The following SIPA1L1 variants were observed in gnomAD, a reference collection of about 807,000 sequenced individuals.
SIPA1L1 encodes the protein signal induced proliferation associated 1 like 1, also known as signal-induced proliferation-associated 1-like protein 1.
Under a neutral mutation model 162.7 loss-of-function variants are expected in SIPA1L1, and 26 were observed. The observed-to-expected ratio is 0.16, with a 90% CI of 0.12 to 0.22. The LOEUF is 0.22. SIPA1L1 is among the 10% of genes least tolerant of loss of function. SIPA1L1 has a pLI of 1.00. For missense variants in SIPA1L1, 1,874 were observed against 2,241.0 expected (o/e 0.84, Z 3.31); for synonymous variants, 829 against 837.4 (o/e 0.99, Z 0.17).
At chr14:71,596,080 G>T (rs2035992229) in intron 5 of SIPA1L1, among the ~76,000 whole-genome samples, 1 of 152,168 alleles carries the variant, frequency 6.6e-6, no homozygotes, top group Non-Finnish European at 1.5e-5. Flanking sequence ...GTGGTTAGGG[G>T]CTTGGATGAG....
intron 7 of SIPA1L1, among the ~76,000 whole-genome samples, chr14:71,632,597 C>T (rs932272983): frequency 2.6e-5 from 4 of 152,154 alleles, no homozygotes; most frequent in African/African-American, 9.7e-5. Context: ...CACTGTGTGG[C>T]ATCAGAAGAG....
chr14:71,320,849 C>T (rs1309480312), intron 1 of SIPA1L1, among the ~76,000 whole-genome samples: 2 of 152,166 alleles, frequency 1.3e-5, no homozygotes, highest in Admixed American at 6.5e-5. Flanking sequence ...AGCGGGGGCC[C>T]GGGCGCCTAG....
chr14:71,729,181 G>A (rs755005959), intron 19 of SIPA1L1, among the ~76,000 whole-genome samples: 3 of 152,088 alleles, frequency 2.0e-5, no homozygotes, highest in Admixed American at 6.5e-5. Flanking sequence ...GATTACAGGC[G>A]TGCACCACCA....
chr14:71,525,552 C>T (rs2052778302), intron 3 of SIPA1L1, among the ~76,000 whole-genome samples: 1 of 152,202 alleles, frequency 6.6e-6, no homozygotes, highest in African/African-American at 2.4e-5. Context: ...TCACTAATGA[C>T]ATAAGCCCAT....
chr14:71,439,633 A>G (rs1162235228), intron 2 of SIPA1L1, among the ~76,000 whole-genome samples: 2 of 152,252 alleles, frequency 1.3e-5, no homozygotes, highest in East Asian at 1.9e-4. Context: ...TTAAAGTGTC[A>G]TGGACATTAT....
intron 4 of SIPA1L1, among the ~76,000 whole-genome samples, chr14:71,570,954 C>T (rs1000526914): frequency 6.6e-6 from 1 of 152,098 alleles, no homozygotes; most frequent in African/African-American, 2.4e-5. Context: ...CACCACCACA[C>T]CCAGCCAATT....
In SIPA1L1 at chr14:71,672,616, C is replaced by T. The variant is rs1236706675; in HGVS notation, c.3098C>T (p.Pro1033Leu). 6 of 1,613,032 alleles carry T rather than the reference C, an allele frequency of 3.7e-6. No homozygotes were observed. The highest frequency in any genetic ancestry group is 1.3e-5 in the African/African-American group (1 of 75,004). ...VIIPPHDDCT[P>L]RRSCSETYRM... Reference sequence around the variant, plus strand: ...ATTCCCCCGCATGATGACTGCACCCCGCGGAGGTAGGTCTGAGGAGACAGC... The same window carrying T: ...ATTCCCCCGCATGATGACTGCACCCTGCGGAGGTAGGTCTGAGGAGACAGC... Residue 1033 changes from proline to leucine, a missense_variant, in exon 12 of 24, where the codon CCG (proline) becomes CTG (leucine). By Grantham distance (98) the Pro-to-Leu change is moderately conservative (BLOSUM62 -3). Transcript: ENST00000381232.
intron 5 of SIPA1L1, among the ~76,000 whole-genome samples, chr14:71,605,817 T>G (rs924569037): frequency 6.6e-6 from 1 of 152,176 alleles, no homozygotes; most frequent in African/African-American, 2.4e-5. Context: ...CCAGCACTTG[T>G]GCCAGCAGGT....
chr14:71,376,146 G>A (rs1390283961), intron 2 of SIPA1L1, among the ~76,000 whole-genome samples: 1 of 152,094 alleles, frequency 6.6e-6, no homozygotes, highest in African/African-American at 2.4e-5. Flanking sequence ...GAATTTGCCA[G>A]TGAAATCATA....
intron 2 of SIPA1L1, among the ~76,000 whole-genome samples, chr14:71,444,183 A>T (rs2045154493): frequency 6.6e-6 from 1 of 152,166 alleles, no homozygotes; most frequent in South Asian, 2.1e-4. Context: ...GCATATACCT[A>T]GCAAGTACAT....
At chr14:71,725,568 C>T (rs1015433484) in intron 19 of SIPA1L1, among the ~76,000 whole-genome samples, 1 of 152,116 alleles carries the variant, frequency 6.6e-6, no homozygotes. Flanking sequence ...TTTATGTGAC[C>T]ACATGGAAAG....
At chr14:71,478,602 A>AC (rs2048070012) in intron 2 of SIPA1L1, among the ~76,000 whole-genome samples, 1 of 152,212 alleles carries the variant, frequency 6.6e-6, no homozygotes, top group Non-Finnish European at 1.5e-5. Context: ...CTTTGTTGAA[A>AC]ACACAATCTT....
At chr14:71,714,419 ATTC>A (rs2083107567) in intron 17 of SIPA1L1, among the ~76,000 whole-genome samples, 1 of 152,190 alleles carries the variant, frequency 6.6e-6, no homozygotes, top group Non-Finnish European at 1.5e-5. Flanking sequence ...GCAAGCCCAA[ATTC>A]TTCAAGTGTC....
intron 19 of SIPA1L1, among the ~76,000 whole-genome samples, chr14:71,728,703 A>G (rs1475236870): frequency 6.6e-6 from 1 of 152,238 alleles, no homozygotes; most frequent in Non-Finnish European, 1.5e-5. Flanking sequence ...GGGAAGTCCC[A>G]GGGTGGCTTT....
At chr14:71,665,541 C>CA (rs1228830934) in intron 10 of SIPA1L1, among the ~76,000 whole-genome samples, 2 of 150,258 alleles carry the variant, frequency 1.3e-5, no homozygotes, top group Non-Finnish European at 1.5e-5. Context: ...AGATTAGAAG[C>CA]AAAAAAAAGA....
At chr14:71,391,636 C>T (rs188472026) in intron 2 of SIPA1L1, among the ~76,000 whole-genome samples, 1 of 152,292 alleles carries the variant, frequency 6.6e-6, no homozygotes, top group Admixed American at 6.5e-5. Context: ...GCATGTTCTG[C>T]TCTGAGAACT....
chr14:71,462,262 G>T (rs1333819327), intron 2 of SIPA1L1, among the ~76,000 whole-genome samples: 2 of 152,154 alleles, frequency 1.3e-5, no homozygotes, highest in Admixed American at 1.3e-4. Context: ...AATCCTAGAG[G>T]CCTCCTCTGT....
At chr14:71,680,796 C>T (rs2045727821) in intron 12 of SIPA1L1, among the ~76,000 whole-genome samples, 1 of 152,212 alleles carries the variant, frequency 6.6e-6, no homozygotes, top group South Asian at 2.1e-4. Context: ...ATACTATAAA[C>T]ACCTCTACGC....
intron 10 of SIPA1L1, among the ~76,000 whole-genome samples, chr14:71,667,051 C>G (rs1043599765): frequency 2.6e-5 from 4 of 152,028 alleles, no homozygotes; most frequent in Non-Finnish European, 4.4e-5. Flanking sequence ...ATTTATTGTG[C>G]TTAAAAGCAT....
Sources: allele counts gnomAD v4.1 joint callset (sites outside exome capture counted in the v4.1 genomes callset), GRCh38; gene constraint gnomAD v4.1.1; transcripts MANE v1.5; gene names NCBI Gene and HGNC (gene_info 2026-07-23, HGNC 2026-07-21).